Variants in EYA1 observed in about 807,000 individuals in gnomAD.
EYA1 encodes EYA transcriptional coactivator and phosphatase 1.
In EYA1, 16 loss-of-function variants were observed where a neutral mutation model predicts 82.0. That is an observed-to-expected ratio of 0.20 (90% CI 0.13 to 0.30). The LOEUF (loss-of-function observed/expected upper bound fraction) is 0.30, where lower values mean the gene tolerates loss of function less well. Ranked by LOEUF, EYA1 falls within the 10% of genes least tolerant of loss-of-function variation. EYA1 has a pLI of 1.00. For synonymous variants in EYA1, 261 were observed against 264.4 expected, an observed-to-expected ratio of 0.99 and a Z score of 0.12; for missense variants, 633 against 730.7, an observed-to-expected ratio of 0.87 and a Z score of 1.54.
At chr8:71,239,362 A>C (rs1327690199) in intron 12 of EYA1, among the ~76,000 whole-genome samples, 1 of 152,220 alleles carries the variant, frequency 6.6e-6, no homozygotes, top group Admixed American at 6.5e-5. Context: ...CAACTCTATT[A>C]TCTTCTATGA....
At position 71,215,561 on chromosome 8, in the gene EYA1, A is replaced by C. The variant is rs1809079580; in HGVS notation, c.1475+53T>G. The stretch of plus-strand genomic sequence containing the variant: ...TGTTGAAAAATAAATCTCCAAAATG[A>C]ACAAGCACGAGCATTGCCCATTTCC... On this transcript the variant is annotated intron_variant, in intron 15 of 17. Coordinates refer to ENST00000340726, the MANE Select transcript of EYA1 (RefSeq NM_000503.6). The C allele has an allele frequency of 3.1e-6, 5 of 1,610,462 alleles. No homozygotes were observed. The Admixed American group carries it at 5.0e-5, about 16-fold the overall frequency.
chr8:71,254,925 A>T (rs1181585195), intron 11 of EYA1, among the ~76,000 whole-genome samples: 13 of 151,804 alleles, frequency 8.6e-5, no homozygotes, highest in Admixed American at 8.5e-4. Context: ...AACACACAAA[A>T]ATCAGTTGTG....
chr8:71,538,260 T>C (rs2129289707), intron 1 of EYA1, among the ~76,000 whole-genome samples: 1 of 152,320 alleles, frequency 6.6e-6, no homozygotes, highest in South Asian at 2.1e-4. Flanking sequence ...GGAATTGCAA[T>C]TATTTCTCTA....
chr8:71,399,953 A>G (rs1829858003), intron 2 of EYA1, among the ~76,000 whole-genome samples: 2 of 152,294 alleles, frequency 1.3e-5, no homozygotes, highest in African/African-American at 2.4e-5. Flanking sequence ...AAATCGACAC[A>G]TGGACCAATG....
chr8:71,423,383 T>C (rs1390978796), intron 2 of EYA1, among the ~76,000 whole-genome samples: 1 of 152,208 alleles, frequency 6.6e-6, no homozygotes, highest in Non-Finnish European at 1.5e-5. Context: ...TTGAGGATTG[T>C]TCTTGAAATA....
chr8:71,370,284 C>T (rs1563543940), intron 2 of EYA1, among the ~76,000 whole-genome samples: 3 of 151,202 alleles, frequency 2.0e-5, no homozygotes, highest in Non-Finnish European at 4.4e-5. Flanking sequence ...AAATTTTGCA[C>T]CTTTTAGGTG....
intron 3 of EYA1, among the ~76,000 whole-genome samples, chr8:71,347,360 T>C (rs964806198): frequency 6.6e-6 from 1 of 151,942 alleles, no homozygotes; most frequent in Non-Finnish European, 1.5e-5. Context: ...TCTCACTCTG[T>C]TGCCCAGGCT....
chr8:71,417,132 C>T (rs1270428298), intron 2 of EYA1, among the ~76,000 whole-genome samples: 1 of 152,184 alleles, frequency 6.6e-6, no homozygotes, highest in Non-Finnish European at 1.5e-5. Flanking sequence ...AGCTTTGGGA[C>T]TCGGACTGGC....
chr8:71,295,516 T>C (rs559382225), intron 9 of EYA1, among the ~76,000 whole-genome samples: 57 of 152,260 alleles, frequency 3.7e-4, no homozygotes, highest in African/African-American at 1.3e-3. Flanking sequence ...AACAACAAGA[T>C]AGCACTACTT....
chr8:71,242,292 A>C (rs1257925755), intron 12 of EYA1, among the ~76,000 whole-genome samples: 1 of 152,190 alleles, frequency 6.6e-6, no homozygotes, highest in Admixed American at 6.5e-5. Flanking sequence ...GCAAGTAAAC[A>C]ATTTCCAAAG....
intron 7 of EYA1, among the ~76,000 whole-genome samples, chr8:71,314,507 G>A (rs1408570858): frequency 6.6e-6 from 1 of 152,106 alleles, no homozygotes; most frequent in African/African-American, 2.4e-5. Context: ...GACCAGAAAT[G>A]TTTTGGATTT....
intron 2 of EYA1, among the ~76,000 whole-genome samples, chr8:71,498,768 AG>A (rs1381565011): frequency 5.3e-5 from 8 of 152,200 alleles, no homozygotes; most frequent in Admixed American, 3.9e-4. Flanking sequence ...ATGTAGAGAT[AG>A]GACCCTGGAA....
chr8:71,508,616 G>T (rs1403424343), intron 2 of EYA1, among the ~76,000 whole-genome samples: 2 of 152,132 alleles, frequency 1.3e-5, no homozygotes, highest in African/African-American at 4.8e-5. Context: ...TTATAAAAGG[G>T]GCCCAAGGTT....
In EYA1 at chr8:71,199,409, G is replaced by A; in HGVS notation, c.1710C>T (p.Pro570=). ...EEQGAKKHAM[P]FWRISSHSDL... ...CCGAGTGGCTGGAGATCCTCCAGAA[G>A]GGCATCGCGTGCTGCAGCAGAGGCA... Residue 570 remains proline, a synonymous_variant, in exon 18 of 18, where the codon CCC becomes CCT. Transcript: ENST00000340726. The A allele has an allele frequency of 6.2e-7, 1 of 1,612,606 alleles. No homozygotes were observed. Among genetic ancestry groups the A allele is most frequent in the South Asian group, 1.1e-5 (1 of 90,936 alleles).
At chr8:71,248,475 G>A (rs1225339604) in intron 11 of EYA1, among the ~76,000 whole-genome samples, 3 of 152,200 alleles carry the variant, frequency 2.0e-5, no homozygotes, top group African/African-American at 7.2e-5. Context: ...CTCTGACACT[G>A]TCCATTTCAC....
At chr8:71,338,089 A>G (rs1170957031) in intron 3 of EYA1, among the ~76,000 whole-genome samples, 1 of 149,024 alleles carries the variant, frequency 6.7e-6, no homozygotes, top group Non-Finnish European at 1.5e-5. Flanking sequence ...TTCTTAAGAT[A>G]TAGATAACTG....
chr8:71,456,212 ACC>A (rs1807893290), intron 2 of EYA1, among the ~76,000 whole-genome samples: 1 of 152,200 alleles, frequency 6.6e-6, no homozygotes. Context: ...GATGTGAAGG[ACC>A]TCTTCAAGGA....
intron 9 of EYA1, among the ~76,000 whole-genome samples, chr8:71,280,814 T>A (rs550506765): frequency 6.6e-6 from 1 of 152,302 alleles, no homozygotes; most frequent in South Asian, 2.1e-4. Flanking sequence ...TGTGGCATAA[T>A]CACAGTTCAC....
chr8:71,486,454 A>G (rs1461282355), intron 2 of EYA1, among the ~76,000 whole-genome samples: 1 of 152,240 alleles, frequency 6.6e-6, no homozygotes, highest in Non-Finnish European at 1.5e-5. Flanking sequence ...GGAGAACAGC[A>G]TTAGAAAAGA....
Sources: allele counts gnomAD v4.1 joint callset (sites outside exome capture counted in the v4.1 genomes callset), GRCh38; gene constraint gnomAD v4.1.1; transcripts MANE v1.5; gene names NCBI Gene and HGNC (gene_info 2026-07-23, HGNC 2026-07-21).